The following ZNF610 variants were observed in gnomAD, a reference collection of about 807,000 sequenced individuals.
The protein encoded by ZNF610 is zinc finger protein 610.
A neutral mutation model predicts 14.1 loss-of-function variants in ZNF610; 14 were observed. The ratio of observed to expected loss-of-function variants is 0.99; its 90% CI spans 0.65 to 1.55. The LOEUF (loss-of-function observed/expected upper bound fraction) is 1.55. Ranked by LOEUF, ZNF610 falls within the 40% of genes most tolerant of loss-of-function variation. The probability of loss-of-function intolerance (pLI) is 0.00; values close to 1 mark genes in which losing one functional copy is unlikely to be tolerated. For missense variants in ZNF610, 530 were observed against 558.0 expected (o/e 0.95, Z 0.51); for synonymous variants, 185 against 187.6 (o/e 0.99, Z 0.11).
chr19:52,365,105 G>A (rs537110943), intron 5 of ZNF610, among the ~76,000 whole-genome samples: 3 of 152,142 alleles, frequency 2.0e-5, no homozygotes, highest in South Asian at 2.1e-4. Flanking sequence ...AAAATTAGAC[G>A]AACGTGGTGG....
intron 1 of ZNF610, among the ~76,000 whole-genome samples, chr19:52,343,023 A>G (rs975022183): frequency 2.6e-5 from 4 of 151,624 alleles, no homozygotes; most frequent in Non-Finnish European, 5.9e-5. Context: ...CCTGAATTCC[A>G]GAATCCTGTG....
chr19:52,336,291 T>C lies in ZNF610; in HGVS notation c.-473T>C. Reference sequence around the variant, plus strand: ...GGGTAGAAGGTCACACCGCAGCGCGTCAGTTTCCCTTTGTTTAGATTCAAT... The same window carrying C: ...GGGTAGAAGGTCACACCGCAGCGCGCCAGTTTCCCTTTGTTTAGATTCAAT... On this transcript the variant is annotated 5_prime_UTR_variant, in exon 1 of 6. Coordinates refer to ENST00000403906, the MANE Select transcript of ZNF610 (RefSeq NM_001161425.2). 3.6e-6 allele frequency: 1 copy of C among 280,462 alleles called. No individual in the cohort carries two copies. Among genetic ancestry groups the C allele is most frequent in the South Asian group, 3.3e-5 (1 of 30,590 alleles). 17.4% of individuals were successfully genotyped at this position (280,462 alleles called of 1,614,324 possible).
At chr19:52,338,516 C>A (rs1039590574) in intron 1 of ZNF610, among the ~76,000 whole-genome samples, 2 of 152,168 alleles carry the variant, frequency 1.3e-5, no homozygotes, top group Non-Finnish European at 2.9e-5. Flanking sequence ...GAAACCCCAT[C>A]TCTACTGAAA....
chr19:52,361,514 G>A (rs1047738692), intron 5 of ZNF610, among the ~76,000 whole-genome samples: 8 of 151,894 alleles, frequency 5.3e-5, no homozygotes, highest in Admixed American at 5.2e-4. Flanking sequence ...TATTTGTAAT[G>A]TCCTCTATTC....
In ZNF610 at chr19:52,365,858, A is replaced by G; in HGVS notation, c.480A>G (p.Ser160=). ...QVEKFTNHRS[S]VSPLQKISSS... ...AAAAGTTTACAAACCATCGTTCCTC[A>G]GTTTCACCACTTCAAAAAATTTCTT... Residue 160 remains serine, a synonymous_variant, in exon 6 of 6, where the codon TCA becomes TCG. Coordinates refer to ENST00000403906, the MANE Select transcript of ZNF610 (RefSeq NM_001161425.2). 6.2e-7 allele frequency: 1 copy of G among 1,613,700 alleles called. No homozygotes were observed. Among genetic ancestry groups the G allele is most frequent in the African/African-American group, 1.3e-5 (1 of 75,042 alleles).
At position 52,366,037 on chromosome 19, in the gene ZNF610, C is replaced by T. The variant is rs1484350653; in HGVS notation, c.659C>T (p.Thr220Ile). Residue 220 changes from threonine (T) to isoleucine (I), a missense_variant, in exon 6 of 6, where the codon ACT becomes ATT. Physicochemically the swap from Thr to Ile is moderately conservative, Grantham distance 89 (BLOSUM62 -1). Coordinates refer to ENST00000403906, the MANE Select transcript of ZNF610 (RefSeq NM_001161425.2). ...GEVFRVRASLTNHQVIHTAEK... is the reference protein window; with the variant it reads ...GEVFRVRASLINHQVIHTAEK... ...GTTTTTAGAGTCCGTGCAAGCCTTA[C>T]TAACCATCAAGTAATCCATACTGCA... is the stretch of plus-strand genomic sequence containing the variant. 2.5e-6 allele frequency: 4 copies of T among 1,614,114 alleles called. No homozygotes were observed. Among genetic ancestry groups the T allele is most frequent in the Admixed American group, 1.7e-5 (1 of 60,004 alleles).
At chr19:52,358,108 C>G (rs1222377127) in intron 5 of ZNF610, among the ~76,000 whole-genome samples, 3 of 152,258 alleles carry the variant, frequency 2.0e-5, no homozygotes, top group East Asian at 3.9e-4. Flanking sequence ...ATTTCACTTA[C>G]CAGAGTGTCT....
upstream of ZNF610, among the ~76,000 whole-genome samples, chr19:52,332,795 A>C (rs572271502): frequency 2.6e-5 from 4 of 152,242 alleles, no homozygotes; most frequent in Non-Finnish European, 5.9e-5. The surrounding 1 kb of genome is among the most constrained non-coding windows in gnomAD (Gnocchi z 4.1). Flanking sequence ...ATTAAAAACT[A>C]GTGTGGTCAA....
At chr19:52,341,378 C>T (rs1174302662) in intron 1 of ZNF610, among the ~76,000 whole-genome samples, 2 of 150,932 alleles carry the variant, frequency 1.3e-5, no homozygotes, top group African/African-American at 4.9e-5. Flanking sequence ...GGCACGATCT[C>T]GGCTCACTGC....
intron 3 of ZNF610, 104 bp downstream of exon 3, chr19:52,349,339 T>G (rs1985131076): frequency 1.5e-6 from 2 of 1,373,598 alleles, no homozygotes; most frequent in Non-Finnish European, 2.1e-6. Context: ...CTTCCCTCAG[T>G]CCCTTTCATC....
chr19:52,337,619 G>A (rs1156967421), intron 1 of ZNF610, among the ~76,000 whole-genome samples: 1 of 151,980 alleles, frequency 6.6e-6, no homozygotes, highest in African/African-American at 2.4e-5. Flanking sequence ...GAATGAGAGA[G>A]CTGTACAGAA....
intron 1 of ZNF610, among the ~76,000 whole-genome samples, chr19:52,340,804 T>A (rs1030868300): frequency 5.9e-5 from 9 of 151,598 alleles, no homozygotes; most frequent in Non-Finnish European, 8.8e-5. Context: ...CCTCAGCCTC[T>A]CAAGTAGCTG....
intron 1 of ZNF610, 116 bp downstream of exon 1, chr19:52,336,622 C>T (rs1984393049): frequency 6.4e-6 from 1 of 155,550 alleles, no homozygotes. Flanking sequence ...GGGAGCCTCC[C>T]AACCTCGCCC....
At chr19:52,344,120 A>G (rs1232874784) in intron 1 of ZNF610, 1 of 152,158 alleles carries the variant, frequency 6.6e-6, no homozygotes, top group Non-Finnish European at 1.5e-5. Context: ...TTATCACAGC[A>G]CACAAGTCAT....
At chr19:52,335,547 A>T (rs551004840), upstream of ZNF610, among the ~76,000 whole-genome samples, 6 of 152,278 alleles carry the variant, frequency 3.9e-5, no homozygotes, top group Admixed American at 3.3e-4. Flanking sequence ...GGACTGGGAA[A>T]GGCAGACCCA....
intron 5 of ZNF610, among the ~76,000 whole-genome samples, chr19:52,355,304 G>GA (rs1985472006): frequency 6.6e-6 from 1 of 152,310 alleles, no homozygotes; most frequent in African/African-American, 2.4e-5. Context: ...GTAATGGGAA[G>GA]ATGTAATCAG....
upstream of ZNF610, among the ~76,000 whole-genome samples, chr19:52,333,496 C>T (rs1984256034): frequency 6.6e-6 from 1 of 152,216 alleles, no homozygotes; most frequent in Non-Finnish European, 1.5e-5. Flanking sequence ...TGTTACGTCC[C>T]AGGCTATGAT....
intron 5 of ZNF610, among the ~76,000 whole-genome samples, chr19:52,355,802 G>A (rs1409756521): frequency 1.3e-5 from 2 of 152,226 alleles, no homozygotes; most frequent in Non-Finnish European, 2.9e-5. Flanking sequence ...GATACAGATG[G>A]ACAGCCAGAT....
At chr19:52,345,467 T>C (rs898775494) in intron 1 of ZNF610, 2 of 151,922 alleles carry the variant, frequency 1.3e-5, no homozygotes, top group African/African-American at 4.8e-5. Flanking sequence ...GATGACACTG[T>C]GATGCTCCTA....
Sources: gnomAD v4.1 joint callset for allele counts (sites outside exome capture counted in the v4.1 genomes callset) on GRCh38, gnomAD v4.1.1 for gene constraint, Gnocchi (gnomAD v3.1) non-coding constraint, MANE v1.5 for transcripts, NCBI Gene and HGNC (gene_info 2026-07-23, HGNC 2026-07-21) for gene names.